UACA: variants seen among roughly 807,000 people sequenced by gnomAD.
UACA encodes nuclear membrane binding protein.
UACA carries 112 observed loss-of-function variants against 160.5 expected under a neutral mutation model. The ratio of observed to expected loss-of-function variants is 0.70; its 90% CI spans 0.60 to 0.82. The LOEUF is 0.82. Among genes scored for constraint, UACA ranks in the 40% least tolerant of loss-of-function variants. The pLI, the probability that UACA is intolerant of heterozygous loss-of-function variation, is 0.00. For synonymous variants in UACA, 557 were observed against 568.4 expected, an observed-to-expected ratio of 0.98 and a Z score of 0.29; for missense variants, 1,574 against 1,614.6, an observed-to-expected ratio of 0.97 and a Z score of 0.43.
At chr15:70,681,835 T>C (rs1174889786) in intron 9 of UACA, 2 of 152,250 alleles carry the variant, frequency 1.3e-5, no homozygotes, top group Non-Finnish European at 2.9e-5. Flanking sequence ...TGTATACCTA[T>C]GTACAAACTG....
rs548051101 is a variant in UACA at position 70,686,724 on chromosome 15, A to G, written c.602+816T>C. ...ATACTTCTAATAAACTACAAACAAT[A>G]GAATACATGTTTGGAAGAATAAAAT... On this transcript the variant is annotated intron_variant, in intron 7 of 18. Transcript: ENST00000322954. Among the ~76,000 whole-genome samples, 3 of 152,230 alleles carry G rather than the reference A, an allele frequency of 2.0e-5. No individual in the cohort carries two copies. The South Asian group carries it at 6.2e-4, about 32-fold the overall frequency.
intron 17 of UACA, among the ~76,000 whole-genome samples, chr15:70,662,888 ATACCTAAAAC>A (rs989966174): frequency 6.6e-6 from 1 of 152,048 alleles, no homozygotes; most frequent in African/African-American, 2.4e-5. Flanking sequence ...CTTAAATGTT[ATACCTAAAAC>A]CATAAAAACC....
At chr15:70,660,945 G>A (rs1014463711) in intron 17 of UACA, 2 of 152,116 alleles carry the variant, frequency 1.3e-5, no homozygotes, top group Admixed American at 6.6e-5. Context: ...TATCTGGGGG[G>A]AAAACATAGC....
At chr15:70,707,597 A>G (rs911624036) in intron 1 of UACA, among the ~76,000 whole-genome samples, 3 of 152,152 alleles carry the variant, frequency 2.0e-5, no homozygotes, top group Admixed American at 6.5e-5. Context: ...AGATTTTAAA[A>G]TGGGCAAAGG....
At chr15:70,672,050 G>C (rs199898149) in intron 13 of UACA, 49 bp from the exon 14 acceptor site, 3 of 1,523,470 alleles carry the variant, frequency 2.0e-6, no homozygotes, top group East Asian at 4.6e-5. Context: ...GCCTCATTTT[G>C]TTAAATTCTG....
the UACA span, among the ~76,000 whole-genome samples, chr15:70,772,980 T>G: frequency 3.3e-5 from 5 of 149,384 alleles, no homozygotes; most frequent in Admixed American, 1.3e-4. Context: ...TCCCAGCTAC[T>G]CGGAACGCTG....
chr15:70,776,475 T>A, the UACA span, among the ~76,000 whole-genome samples: 1 of 149,670 alleles, frequency 6.7e-6, no homozygotes, highest in Non-Finnish European at 1.5e-5. Flanking sequence ...TCACCCAGGC[T>A]GGAGTGCAGT....
At chr15:70,776,390 T>C in the UACA span, among the ~76,000 whole-genome samples, 1 of 151,560 alleles carries the variant, frequency 6.6e-6, no homozygotes, top group Non-Finnish European at 1.5e-5. Context: ...CTCGGATATA[T>C]CCACATGACT....
At position 70,667,973 on chromosome 15, in the gene UACA, T is replaced by A; in HGVS notation, c.2711A>T (p.Asn904Ile). Residue 904 changes from asparagine to isoleucine, a missense_variant, in exon 16 of 19, where the codon AAT becomes ATT. Coordinates refer to ENST00000322954, the MANE Select transcript of UACA (RefSeq NM_018003.4). ...NQEFVKIKDK[N>I]EILKRNLENT... ...TTCCAGGTTTCTTTTTAATATTTCA[T>A]TCTTATCTTTTATTTTTACAAATTC... 1 of 1,602,194 alleles carries A rather than the reference T, an allele frequency of 6.2e-7. No homozygotes were observed. Among genetic ancestry groups the A allele is most frequent in the East Asian group, 2.2e-5 (1 of 44,656 alleles).
chr15:70,679,438 A>ATAAATAAATAAG (rs1897410672), intron 10 of UACA, among the ~76,000 whole-genome samples, 170 bp downstream of exon 10: 1 of 147,342 alleles, frequency 6.8e-6, no homozygotes, highest in East Asian at 1.9e-4. Flanking sequence ...AAATAAATAA[A>ATAAATAAATAAG]TAGAAGAGAT....
chr15:70,665,949 G>T (rs1170429220), intron 16 of UACA, among the ~76,000 whole-genome samples: 1 of 152,186 alleles, frequency 6.6e-6, no homozygotes, highest in Non-Finnish European at 1.5e-5. Flanking sequence ...TGCAACATCA[G>T]TGTCAAAAAT....
chr15:70,711,300 T>A (rs180941861), intron 1 of UACA, among the ~76,000 whole-genome samples: 218 of 152,270 alleles, frequency 1.4e-3, no homozygotes, highest in Non-Finnish European at 1.4e-3. Context: ...CAAAAAAATG[T>A]GTATTTTACA....
intron 10 of UACA, among the ~76,000 whole-genome samples, chr15:70,679,116 T>A (rs1595882326): frequency 1.3e-5 from 2 of 152,186 alleles, no homozygotes; most frequent in African/African-American, 4.8e-5. Context: ...AAGAAGAGAT[T>A]AGGCAGCCGG....
At chr15:70,776,047 G>A in the UACA span, among the ~76,000 whole-genome samples, 1 of 152,130 alleles carries the variant, frequency 6.6e-6, no homozygotes, top group Admixed American at 6.5e-5. Flanking sequence ...GTAGAATCAA[G>A]TTTTCTTTCA....
chr15:70,675,324 A>G (rs1171935099), intron 13 of UACA, among the ~76,000 whole-genome samples: 1 of 152,242 alleles, frequency 6.6e-6, no homozygotes, highest in East Asian at 1.9e-4. Flanking sequence ...GATAGAAGCC[A>G]CTACAGCTAG....
chr15:70,687,912 A>C, intron 5 of UACA, 92 bp from the exon 6 acceptor site: 1 of 1,211,976 alleles, frequency 8.3e-7, no homozygotes, highest in Non-Finnish European at 1.2e-6. Context: ...TAAGTTTTTC[A>C]ATTTCTAAAT....
intron 2 of UACA, among the ~76,000 whole-genome samples, chr15:70,696,179 T>A (rs527437857): frequency 9.2e-5 from 14 of 152,146 alleles, no homozygotes; most frequent in South Asian, 2.1e-4. Context: ...CCATTAAAAT[T>A]TTTTACATTT....
intron 16 of UACA, 75 bp downstream of exon 16, chr15:70,666,649 C>A: frequency 8.1e-7 from 1 of 1,235,576 alleles, no homozygotes; most frequent in Non-Finnish European, 1.1e-6. Context: ...TGTCTACTTT[C>A]CTGTGAGATT....
chr15:70,703,402 A>T (rs1898432884), intron 1 of UACA: 2 of 562,864 alleles, frequency 3.6e-6, no homozygotes, highest in Non-Finnish European at 5.4e-6. Flanking sequence ...TACTAAATTT[A>T]CAACATTAGG....
Sources: gnomAD v4.1 joint callset for allele counts (sites outside exome capture counted in the v4.1 genomes callset) on GRCh38, gnomAD v4.1.1 for gene constraint, MANE v1.5 for transcripts, NCBI Gene and HGNC (gene_info 2026-07-23, HGNC 2026-07-21) for gene names.